Variants in CPT1A observed in about 807,000 individuals in gnomAD.
The protein encoded by CPT1A is carnitine O-palmitoyltransferase 1, liver isoform.
CPT1A carries 64 observed loss-of-function variants against 100.8 expected under a neutral mutation model. The ratio of observed to expected loss-of-function variants is 0.63; its 90% confidence interval spans 0.52 to 0.78. CPT1A has a LOEUF of 0.78. CPT1A is among the 30% of genes least tolerant of loss of function. The pLI, the probability that CPT1A is intolerant of heterozygous loss-of-function variation, is 0.00. For missense variants in CPT1A, 802 were observed against 1,034.1 expected, an observed-to-expected ratio of 0.78 and a Z score of 3.08; for synonymous variants, 363 against 396.0, an observed-to-expected ratio of 0.92 and a Z score of 0.99.
At chr11:68,797,111 T>G (rs1051943651) in intron 6 of CPT1A, among the ~76,000 whole-genome samples, 178 bp from the exon 7 acceptor site, 12 of 151,986 alleles carry the variant, frequency 7.9e-5, no homozygotes, top group Non-Finnish European at 1.2e-4. Flanking sequence ...TGCGACACCG[T>G]GGGAAATGAA....
At chr11:68,762,100 G>T (rs1854643797) in intron 15 of CPT1A, among the ~76,000 whole-genome samples, 1 of 152,202 alleles carries the variant, frequency 6.6e-6, no homozygotes, top group African/African-American at 2.4e-5. Flanking sequence ...AGCAGCTGCT[G>T]AATTCATCTA....
chr11:68,823,148 G>T (rs1856630833), intron 1 of CPT1A, among the ~76,000 whole-genome samples: 1 of 152,066 alleles, frequency 6.6e-6, no homozygotes, highest in African/African-American at 2.4e-5. Flanking sequence ...TACTAAGGAG[G>T]CTGAGGTGGG....
chr11:68,800,531 T>C (rs1594350781), intron 5 of CPT1A, among the ~76,000 whole-genome samples: 1 of 149,050 alleles, frequency 6.7e-6, no homozygotes, highest in Non-Finnish European at 1.5e-5. Flanking sequence ...CTGGGTGCGG[T>C]GGCATGTGCC....
intron 5 of CPT1A, among the ~76,000 whole-genome samples, chr11:68,800,853 G>A (rs1047340240): frequency 1.3e-5 from 2 of 152,136 alleles, no homozygotes; most frequent in East Asian, 3.9e-4. Context: ...GGTGGCTTAT[G>A]CCTGTAACCC....
intron 9 of CPT1A, among the ~76,000 whole-genome samples, chr11:68,791,413 T>C (rs1855609034): frequency 1.3e-5 from 2 of 152,212 alleles, no homozygotes; most frequent in Non-Finnish European, 2.9e-5. Context: ...CCAGGACTGC[T>C]GTTGGCCAAC....
rs146964593 is a variant in CPT1A at position 68,797,470 on chromosome 11, A to C, written c.694-537T>G. Among the ~76,000 whole-genome samples, 473 of 152,170 alleles carry C rather than the reference A, an allele frequency of 3.1e-3. 3 individuals are homozygous for C. The highest frequency in any genetic ancestry group is 0.011 in the African/African-American group (460 of 41,526). The stretch of plus-strand genomic sequence containing the variant: ...AAGATCGCTTGATGCCAGGAGTTTG[A>C]AGCCAGCCTGGGCAACATAGCAAGG... On this transcript the variant is annotated intron_variant, in intron 6 of 18. Coordinates refer to ENST00000265641, the MANE Select transcript of CPT1A (RefSeq NM_001876.4).
intron 17 of CPT1A, among the ~76,000 whole-genome samples, chr11:68,759,980 C>T (rs1291072737): frequency 6.6e-6 from 1 of 151,966 alleles, no homozygotes; most frequent in Non-Finnish European, 1.5e-5. Context: ...ATTCAGGCTG[C>T]CATGAGCCAT....
In CPT1A at chr11:68,758,447, GC is replaced by G. The variant is rs1448077566; in HGVS notation, c.2236-718del. Among the ~76,000 whole-genome samples, 2 of 152,150 alleles carry G rather than the reference GC, an allele frequency of 1.3e-5. 1 individual carries two copies. Among genetic ancestry groups the G allele is most frequent in the Non-Finnish European group, 2.9e-5 (2 of 68,032 alleles). On this transcript the variant is annotated intron_variant, in intron 18 of 18. Coordinates refer to ENST00000265641, the MANE Select transcript of CPT1A (RefSeq NM_001876.4). The stretch of plus-strand genomic sequence containing the variant: ...GTCCCTTGTTCCATCCACAGAGGAA[GC>G]CGGGGGTCCCCTGCTCTGTATGCAG...
intron 14 of CPT1A, among the ~76,000 whole-genome samples, chr11:68,768,728 T>A (rs1197057093): frequency 6.6e-6 from 1 of 152,204 alleles, no homozygotes; most frequent in Non-Finnish European, 1.5e-5. Flanking sequence ...ATTTTTACAG[T>A]AAGCTTGCTC....
At position 68,804,078 on chromosome 11, in the gene CPT1A, G is replaced by A; in HGVS notation, c.477C>T (p.Gly159=). 1 of 1,613,928 alleles carries A rather than the reference G, an allele frequency of 6.2e-7. No homozygotes were observed. The highest frequency in any genetic ancestry group is 8.5e-7 in the Non-Finnish European group (1 of 1,179,810). ...GGAAGCTGTACAACATGGGTTTTCG[G>A]CCTGAAAAGATCTTGACCATACCCT... The part of the protein sequence containing the change: ...IWMGMVKIFS[G]RKPMLYSFQT... Residue 159 remains glycine, a synonymous_variant, in exon 5 of 19, where the codon GGC becomes GGT. Coordinates refer to ENST00000265641, the MANE Select transcript of CPT1A (RefSeq NM_001876.4).
chr11:68,798,737 G>A (rs1218474245), intron 6 of CPT1A, among the ~76,000 whole-genome samples: 3 of 152,202 alleles, frequency 2.0e-5, no homozygotes, highest in Non-Finnish European at 4.4e-5. Flanking sequence ...ATGGGAGCAG[G>A]TCTCTGGGGC....
intron 8 of CPT1A, among the ~76,000 whole-genome samples, chr11:68,794,240 A>G (rs949319650): frequency 1.3e-5 from 2 of 152,170 alleles, no homozygotes; most frequent in African/African-American, 4.8e-5. Context: ...ACTAATCTAG[A>G]GTGACAGATA....
At position 68,793,420 on chromosome 11, in the gene CPT1A, TTCAAACCAACAACGAAAA is replaced by T; in HGVS notation, c.880-36_880-19del. ...AGACGAATCTGTAACAAAAATATAT[TTCAAACCAACAACGAAAA>T]TCCCACAGAAGAAAAGCAGCAAGTT... On this transcript the variant is annotated intron_variant, in intron 8 of 18. Coordinates refer to ENST00000265641, the MANE Select transcript of CPT1A (RefSeq NM_001876.4). 6.3e-7 allele frequency: 1 copy of T among 1,594,926 alleles called. No homozygotes were observed. The highest frequency in any genetic ancestry group is 8.6e-7 in the Non-Finnish European group (1 of 1,167,710).
intron 1 of CPT1A, among the ~76,000 whole-genome samples, chr11:68,816,596 A>C (rs1234742711): frequency 6.6e-6 from 1 of 151,320 alleles, no homozygotes; most frequent in Non-Finnish European, 1.5e-5. Context: ...AACACAGCCC[A>C]CCCCCATCCC....
At chr11:68,783,360 C>T (rs1180154805) in intron 10 of CPT1A, among the ~76,000 whole-genome samples, 1 of 152,090 alleles carries the variant, frequency 6.6e-6, no homozygotes, top group East Asian at 1.9e-4. Flanking sequence ...TGGGACCCTC[C>T]CCAGCTTGGC....
chr11:68,800,304 G>C (rs911443047), intron 5 of CPT1A, among the ~76,000 whole-genome samples: 2 of 152,088 alleles, frequency 1.3e-5, no homozygotes, highest in Non-Finnish European at 2.9e-5. Context: ...TGTTTAAAAA[G>C]ACACTCAAAA....
At chr11:68,796,773 A>G in intron 7 of CPT1A, 83 bp downstream of exon 7, 1 of 1,348,934 alleles carries the variant, frequency 7.4e-7, no homozygotes, top group Admixed American at 1.9e-5. Context: ...GGCCGTCCAC[A>G]GGCCTGTGAA....
At chr11:68,773,208 G>A in intron 14 of CPT1A, 57 bp downstream of exon 14, 1 of 1,609,206 alleles carries the variant, frequency 6.2e-7, no homozygotes, top group Non-Finnish European at 8.5e-7. Flanking sequence ...ACAGTCTTGG[G>A]CAGGTGTAGG....
chr11:68,791,745 T>A (rs1180701835), intron 9 of CPT1A, among the ~76,000 whole-genome samples: 1 of 151,980 alleles, frequency 6.6e-6, no homozygotes, highest in Non-Finnish European at 1.5e-5. Flanking sequence ...AGACCAGTAG[T>A]AGGCTGGTCT....
Sources: allele counts gnomAD v4.1 joint callset (sites outside exome capture counted in the v4.1 genomes callset), GRCh38; gene constraint gnomAD v4.1.1; transcripts MANE v1.5; gene names NCBI Gene and HGNC (gene_info 2026-07-23, HGNC 2026-07-21).